Variants in LDAH observed in about 807,000 individuals in gnomAD.
LDAH encodes the protein lipid droplet associated hydrolase.
LDAH carries 26 observed loss-of-function variants against 29.6 expected under a neutral mutation model. That is an observed-to-expected ratio of 0.88 (90% CI 0.64 to 1.22). LDAH has a LOEUF of 1.22. LDAH is among the 50% of genes most tolerant of loss of function. LDAH has a pLI of 0.00. For synonymous variants in LDAH, 117 were observed against 133.0 expected (o/e 0.88, Z 0.83); for missense variants, 344 against 387.3 (o/e 0.89, Z 0.94).
rs568048566 is a variant in LDAH, at chr2:20,698,556, T to G, written c.786+3014A>C. 3.3e-5 allele frequency among the ~76,000 whole-genome samples: 5 copies of G among 152,166 alleles called. No homozygotes were observed. The South Asian group carries it at 1.0e-3, about 32-fold the overall frequency. On this transcript the variant is annotated intron_variant, in intron 6 of 6. Coordinates refer to ENST00000237822, the MANE Select transcript of LDAH (RefSeq NM_021925.4). The surrounding 1 kb of genome is among the most constrained non-coding windows in gnomAD (Gnocchi z 4.4). ...TTAGCTGGGTATGGTGGCGGGTACC[T>G]GTAATCCCAGCTACTCGGGAGGCTG...
At chr2:20,708,729 C>T (rs1664487302) in intron 5 of LDAH, among the ~76,000 whole-genome samples, 1 of 152,094 alleles carries the variant, frequency 6.6e-6, no homozygotes, top group Non-Finnish European at 1.5e-5. Context: ...ATAAAACTCT[C>T]AGTAGGAAAG....
chr2:20,802,994 T>G (rs1001138467), intron 1 of LDAH, among the ~76,000 whole-genome samples: 3 of 152,174 alleles, frequency 2.0e-5, no homozygotes, highest in Non-Finnish European at 4.4e-5. Context: ...ACTGTTCCAC[T>G]GCTGTGAGAT....
Position 20,815,885 on chromosome 2 carries a change from T to C in LDAH, c.-3+7152A>G, listed in dbSNP as rs560468067. On this transcript the variant is annotated intron_variant, in intron 1 of 6. Coordinates refer to ENST00000237822, the MANE Select transcript of LDAH (RefSeq NM_021925.4). ...TAAATATAAAATGAACTATTCTTCATCTTATGAGTTTCTTAAATCATATTT... is the reference window on the plus strand; with the variant it reads ...TAAATATAAAATGAACTATTCTTCACCTTATGAGTTTCTTAAATCATATTT... Among the ~76,000 whole-genome samples, 9 of 152,270 alleles carry C rather than the reference T, an allele frequency of 5.9e-5. No individual in the cohort carries two copies. In the South Asian group the frequency reaches 1.9e-3, roughly 32 times the overall value.
chr2:20,817,073 G>A (rs1366116286), intron 1 of LDAH, among the ~76,000 whole-genome samples: 1 of 152,024 alleles, frequency 6.6e-6, no homozygotes, highest in Non-Finnish European at 1.5e-5. Flanking sequence ...GCAATGCCAA[G>A]AGGGAAATTA....
chr2:20,776,037 TA>T (rs1558467645), intron 3 of LDAH, among the ~76,000 whole-genome samples: 1 of 152,154 alleles, frequency 6.6e-6, no homozygotes, highest in Admixed American at 6.5e-5. Context: ...AACATATATA[TA>T]ACCCAATGAC....
At chr2:20,821,461 T>C (rs1378917768) in intron 1 of LDAH, among the ~76,000 whole-genome samples, 1 of 152,154 alleles carries the variant, frequency 6.6e-6, no homozygotes, top group South Asian at 2.1e-4. Flanking sequence ...TTCATGTCCT[T>C]TGTAGGGACA....
Position 20,755,379 on chromosome 2 carries a change from C to T in LDAH, c.469-15174G>A, listed in dbSNP as rs1397612573. On this transcript the variant is annotated intron_variant, in intron 4 of 6. Transcript: ENST00000237822. ...CCAATCCCCTTTATCTTGCTCCACT[C>T]TTTATATCAAGGCAGTATCACCTTT... Among the ~76,000 whole-genome samples the T allele has an allele frequency of 2.0e-5, 3 of 152,192 alleles. No individual in the cohort carries two copies. In the East Asian group the frequency reaches 5.8e-4, roughly 29 times the overall value.
At chr2:20,745,547 C>T (rs1244861119) in intron 4 of LDAH, among the ~76,000 whole-genome samples, 2 of 152,116 alleles carry the variant, frequency 1.3e-5, no homozygotes, top group Non-Finnish European at 2.9e-5. Context: ...AAAAGATAAG[C>T]ATGTAAGGTA....
In LDAH at chr2:20,763,548, G is replaced by C. The variant is rs1231462507; in HGVS notation, c.468+11262C>G. On this transcript the variant is annotated intron_variant, in intron 4 of 6. Transcript: ENST00000237822. ...TGGCTTATTCAAATTAGTGCCCAGT[G>C]TCATCTATTATATTTTACTTACAAC... Among the ~76,000 whole-genome samples, 3 of 152,218 alleles carry C rather than the reference G, an allele frequency of 2.0e-5. No individual in the cohort carries two copies. The East Asian group carries it at 5.8e-4, about 29-fold the overall frequency.
intron 4 of LDAH, among the ~76,000 whole-genome samples, chr2:20,772,524 G>T (rs1392813342): frequency 6.6e-6 from 1 of 152,182 alleles, no homozygotes; most frequent in South Asian, 2.1e-4. Flanking sequence ...GAATGATGGG[G>T]TATGCAGCTC....
chr2:20,818,427 A>G (rs1359252232), intron 1 of LDAH, among the ~76,000 whole-genome samples: 1 of 152,184 alleles, frequency 6.6e-6, no homozygotes, highest in Non-Finnish European at 1.5e-5. Context: ...TAAACAGATG[A>G]TGCATAAACA....
At chr2:20,791,027 A>G (rs1488170313) in intron 2 of LDAH, among the ~76,000 whole-genome samples, 1 of 152,200 alleles carries the variant, frequency 6.6e-6, no homozygotes, top group Admixed American at 6.5e-5. Context: ...GTCCATTTCC[A>G]TCAATATCTA....
downstream of LDAH, among the ~76,000 whole-genome samples, chr2:20,683,395 C>T (rs1328422912): frequency 6.6e-6 from 1 of 151,688 alleles, no homozygotes; most frequent in East Asian, 1.9e-4. Flanking sequence ...ACACTCAGTC[C>T]CAGCCTCCAA....
chr2:20,814,734 T>G (rs558841597), intron 1 of LDAH, among the ~76,000 whole-genome samples: 1 of 152,314 alleles, frequency 6.6e-6, no homozygotes, highest in South Asian at 2.1e-4. Context: ...TTTAGTGAAG[T>G]AAATATAAAT....
chr2:20,710,627 T>TATATAGATATATAG (rs1553336575), intron 5 of LDAH, among the ~76,000 whole-genome samples: 20 of 139,216 alleles, frequency 1.4e-4, no homozygotes, highest in East Asian at 1.0e-3. Context: ...TATAGATATA[T>TATATAGATATATAG]ATATATAGAT....
At chr2:20,728,715 G>A (rs1244153817) in intron 5 of LDAH, among the ~76,000 whole-genome samples, 4 of 152,088 alleles carry the variant, frequency 2.6e-5, no homozygotes, top group Non-Finnish European at 5.9e-5. Flanking sequence ...ATGAACCCAA[G>A]CAGGGAATGA....
intron 1 of LDAH, among the ~76,000 whole-genome samples, chr2:20,804,368 GA>G (rs1175933173): frequency 6.6e-6 from 1 of 151,938 alleles, no homozygotes; most frequent in African/African-American, 2.4e-5. Flanking sequence ...ATTCAATTCT[GA>G]AAAAAACCTA....
intron 4 of LDAH, among the ~76,000 whole-genome samples, chr2:20,740,584 C>T (rs1385732873): frequency 6.6e-6 from 1 of 152,214 alleles, no homozygotes; most frequent in Non-Finnish European, 1.5e-5. Flanking sequence ...GCTGGGATTA[C>T]ACACGTGACC....
intron 6 of LDAH, among the ~76,000 whole-genome samples, chr2:20,695,451 TTTC>T (rs1321535730): frequency 5.9e-4 from 78 of 133,040 alleles, no homozygotes; most frequent in African/African-American, 2.0e-3. Context: ...CCAGACACTC[TTTC>T]TTTTTTTTTT....
Sources: allele counts gnomAD v4.1 joint callset (sites outside exome capture counted in the v4.1 genomes callset), GRCh38; gene constraint gnomAD v4.1.1; non-coding constraint Gnocchi (gnomAD v3.1); transcripts MANE v1.5; gene names NCBI Gene and HGNC (gene_info 2026-07-23, HGNC 2026-07-21).